The following MRPL1 variants were observed in gnomAD, a reference collection of about 807,000 sequenced individuals.
The protein encoded by MRPL1 is mitochondrial ribosomal protein L1, also known as large ribosomal subunit protein uL1m.
MRPL1 carries 28 observed loss-of-function variants against 38.0 expected under a neutral mutation model. That is an observed-to-expected ratio of 0.74 (90% CI 0.55 to 1.01). MRPL1 has a LOEUF of 1.01. Among genes scored for constraint, MRPL1 ranks in the 50% least tolerant of loss-of-function variants. MRPL1 has a pLI of 0.00. For missense variants in MRPL1, 358 were observed against 389.8 expected (o/e 0.92, Z 0.69); for synonymous variants, 123 against 126.7 (o/e 0.97, Z 0.20).
chr4:77,870,256 C>A (rs1735249903), intron 1 of MRPL1, among the ~76,000 whole-genome samples: 3 of 152,068 alleles, frequency 2.0e-5, no homozygotes, highest in Non-Finnish European at 4.4e-5. Flanking sequence ...TTTGTTTCCC[C>A]AAGAGAATTA....
chr4:77,893,291 A>G (rs2110240231), intron 5 of MRPL1, among the ~76,000 whole-genome samples: 1 of 152,066 alleles, frequency 6.6e-6, no homozygotes, highest in South Asian at 2.1e-4. Flanking sequence ...TAGTTTTTAT[A>G]TTTTTTGTAG....
At chr4:77,950,855 G>A (rs545947698) in intron 8 of MRPL1, among the ~76,000 whole-genome samples, 2 of 152,148 alleles carry the variant, frequency 1.3e-5, no homozygotes, top group South Asian at 4.2e-4. Context: ...TTTAAATGTT[G>A]TGATTCTCTT....
intron 6 of MRPL1, among the ~76,000 whole-genome samples, chr4:77,894,524 C>G (rs1057289692): frequency 1.3e-5 from 2 of 152,040 alleles, no homozygotes; most frequent in African/African-American, 2.4e-5. Flanking sequence ...GTATTATTTA[C>G]TCAGTATATT....
intron 5 of MRPL1, among the ~76,000 whole-genome samples, chr4:77,891,673 C>T (rs1735810088): frequency 1.3e-5 from 2 of 152,134 alleles, no homozygotes; most frequent in Admixed American, 1.3e-4. Context: ...CACACCTGGC[C>T]TTTGGTTCTT....
At chr4:77,924,392 T>C (rs1736661275) in intron 7 of MRPL1, among the ~76,000 whole-genome samples, 1 of 152,182 alleles carries the variant, frequency 6.6e-6, no homozygotes, top group African/African-American at 2.4e-5. Flanking sequence ...AAGAGCTTAT[T>C]TTTGGAGGAG....
intron 7 of MRPL1, among the ~76,000 whole-genome samples, chr4:77,945,505 CTT>C (rs11321603): frequency 2.0e-5 from 3 of 147,008 alleles, no homozygotes; most frequent in Admixed American, 6.9e-5. Flanking sequence ...GTGTACTTTG[CTT>C]TTTTTTTTTA....
chr4:77,890,986 A>G (rs1735792748), intron 5 of MRPL1, among the ~76,000 whole-genome samples: 2 of 151,976 alleles, frequency 1.3e-5, no homozygotes. Flanking sequence ...TTTTTTTCCC[A>G]CCCCTAAAAG....
intron 6 of MRPL1, among the ~76,000 whole-genome samples, chr4:77,905,436 G>T (rs1736134172): frequency 7.3e-6 from 1 of 137,566 alleles, no homozygotes; most frequent in Non-Finnish European, 1.5e-5. Flanking sequence ...GGCAGAGGTT[G>T]CAGTGAGCCG....
At chr4:77,916,230 T>G (rs1425846710) in intron 7 of MRPL1, among the ~76,000 whole-genome samples, 1 of 152,202 alleles carries the variant, frequency 6.6e-6, no homozygotes, top group African/African-American at 2.4e-5. Flanking sequence ...GAAAATAATA[T>G]AGTCATAATT....
intron 1 of MRPL1, among the ~76,000 whole-genome samples, chr4:77,871,516 G>A (rs1735280753): frequency 6.6e-6 from 1 of 152,032 alleles, no homozygotes; most frequent in Non-Finnish European, 1.5e-5. Context: ...GTGTTAGCAA[G>A]GATGGTCTTG....
At chr4:77,949,772 T>A in intron 7 of MRPL1, 25 bp from the exon 8 acceptor site, 1 of 1,408,184 alleles carries the variant, frequency 7.1e-7, no homozygotes. Flanking sequence ...TCATCATTAA[T>A]GTTATGTATA....
intron 2 of MRPL1, among the ~76,000 whole-genome samples, chr4:77,877,450 T>C (rs572678840): frequency 6.7e-6 from 1 of 149,636 alleles, no homozygotes; most frequent in South Asian, 2.2e-4. Flanking sequence ...TTTCTCAGCG[T>C]TCCTGTTCAT....
chr4:77,883,104 A>G, intron 2 of MRPL1, 138 bp from the exon 3 acceptor site: 1 of 577,206 alleles, frequency 1.7e-6, no homozygotes, highest in Non-Finnish European at 2.8e-6. Flanking sequence ...AATTAGAAAA[A>G]CTGTAAAGCA....
intron 7 of MRPL1, among the ~76,000 whole-genome samples, chr4:77,929,769 T>TAAAA (rs386400570): frequency 6.7e-6 from 1 of 150,082 alleles, no homozygotes; most frequent in African/African-American, 2.4e-5. Context: ...GGGTTTTATT[T>TAAAA]AAAAAAAAAA....
At chr4:77,939,243 G>A (rs1207737530) in intron 7 of MRPL1, among the ~76,000 whole-genome samples, 2 of 152,148 alleles carry the variant, frequency 1.3e-5, no homozygotes, top group African/African-American at 4.8e-5. Context: ...TCTTGCAGGG[G>A]TAAGGTGGTA....
At chr4:77,911,389 T>G (rs1331286420) in intron 7 of MRPL1, among the ~76,000 whole-genome samples, 1 of 152,168 alleles carries the variant, frequency 6.6e-6, no homozygotes, top group Admixed American at 6.5e-5. Flanking sequence ...TAGGTCTTAA[T>G]CACTAAGTAG....
intron 7 of MRPL1, among the ~76,000 whole-genome samples, chr4:77,941,352 G>T (rs1227754316): frequency 1.3e-5 from 2 of 151,532 alleles, no homozygotes; most frequent in African/African-American, 4.8e-5. Context: ...GTTCTTTCCT[G>T]GTTTTGGTAT....
rs185716590 is a variant in MRPL1, at chr4:77,883,189, A to T, written c.144-53A>T. 0.095 allele frequency: 109,261 copies of T among 1,148,002 alleles called. 3,822 individuals carry two copies. The highest frequency in any genetic ancestry group is 0.17 in the African/African-American group (9,985 of 60,354). 71.1% of individuals were successfully genotyped at this position (1,148,002 alleles called of 1,614,324 possible). Reference sequence around the variant, plus strand: ...TTATGTACACTGGCTTTTTTTTTAAAAAAAATCTCTTAGGATATATATTGA... The same window carrying T: ...TTATGTACACTGGCTTTTTTTTTAATAAAAATCTCTTAGGATATATATTGA... On this transcript the variant is annotated intron_variant, in intron 2 of 8. Transcript: ENST00000315567.
intron 7 of MRPL1, among the ~76,000 whole-genome samples, chr4:77,916,808 A>C (rs1736433535): frequency 6.6e-6 from 1 of 152,196 alleles, no homozygotes; most frequent in African/African-American, 2.4e-5. Flanking sequence ...AATATTGCCA[A>C]AATTCTCTAA....
Sources: gnomAD v4.1 joint callset for allele counts (sites outside exome capture counted in the v4.1 genomes callset) on GRCh38, gnomAD v4.1.1 for gene constraint, MANE v1.5 for transcripts, NCBI Gene and HGNC (gene_info 2026-07-23, HGNC 2026-07-21) for gene names.